Variants in HMCN1 observed in about 807,000 individuals in gnomAD.
HMCN1 encodes the protein hemicentin 1.
Under a neutral mutation model 625.9 loss-of-function variants are expected in HMCN1, and 321 were observed. That is an observed-to-expected ratio of 0.51 (90% CI 0.47 to 0.56). The LOEUF (loss-of-function observed/expected upper bound fraction) is 0.56. HMCN1 is among the 20% of genes least tolerant of loss of function. HMCN1 has a pLI of 0.00. For missense variants in HMCN1, 6,588 were observed against 6,887.3 expected (o/e 0.96, Z 1.54); for synonymous variants, 2,425 against 2,417.6 (o/e 1.00, Z -0.09).
At position 186,178,536 on chromosome 1, in the gene HMCN1, C is replaced by G. The variant is rs1375021345; in HGVS notation, c.16064C>G (p.Ala5355Gly). Reference sequence around the variant, plus strand: ...TTATTAGGGGACGGGAAATCTTGCGCTGGATTGGAGAGGCTGCCAAATTAT... The same window carrying G: ...TTATTAGGGGACGGGAAATCTTGCGGTGGATTGGAGAGGCTGCCAAATTAT... ...QHLLGDGKSC[A>G]GLERLPNYGT... Residue 5355 changes from alanine (A) to glycine (G), a missense_variant, in exon 104 of 107, where the codon GCT (alanine) becomes GGT (glycine). Physicochemically the swap from Ala to Gly is moderately conservative, Grantham distance 60. Around this residue, in one of 3 missense-constraint regions of HMCN1, gnomAD observed 1,954 missense variants for 2,013.1 expected, o/e 0.97. Coordinates refer to ENST00000271588, the MANE Select transcript of HMCN1 (RefSeq NM_031935.3). 6.2e-7 allele frequency: 1 copy of G among 1,614,082 alleles called. No homozygotes were observed. Among genetic ancestry groups the G allele is most frequent in the East Asian group, 2.2e-5 (1 of 44,880 alleles).
chr1:185,948,448 G>A (rs1337807207), intron 11 of HMCN1, among the ~76,000 whole-genome samples: 1 of 150,894 alleles, frequency 6.6e-6, no homozygotes, highest in African/African-American at 2.4e-5. Flanking sequence ...TACAGTCAAA[G>A]GGGGGTTGTT....
intron 1 of HMCN1, among the ~76,000 whole-genome samples, chr1:185,793,893 C>T (rs1375933505): frequency 6.6e-6 from 1 of 152,096 alleles, no homozygotes; most frequent in Non-Finnish European, 1.5e-5. Context: ...TAAAAAACGA[C>T]TCACAGTTCA....
chr1:186,127,927 A>C (rs1175766463), intron 82 of HMCN1, 151 bp from the exon 83 acceptor site: 2 of 691,544 alleles, frequency 2.9e-6, no homozygotes, highest in Non-Finnish European at 5.0e-6. Context: ...TGTTATGCAA[A>C]AGCTAACCTG....
intron 32 of HMCN1, 101 bp downstream of exon 32, chr1:186,016,340 GA>G: frequency 2.6e-6 from 3 of 1,141,346 alleles, no homozygotes; most frequent in Non-Finnish European, 3.8e-6. Flanking sequence ...CAATCTAAAA[GA>G]AGGTATAGTC....
rs868676424 is a variant in HMCN1, at chr1:186,062,619, G to A, written c.7513+19G>A. The A allele has an allele frequency of 5.9e-6, 9 of 1,535,856 alleles. No individual in the cohort carries two copies. The Middle Eastern group carries it at 5.1e-4, about 87-fold the overall frequency. On this transcript the variant is annotated intron_variant, in intron 48 of 106. Transcript: ENST00000271588. ...GTGACAGGTATGGGCTCAGCTCTCA[G>A]ACTTTTGGTGCTCCCCCCACTCACT...
chr1:185,966,013 C>T, intron 14 of HMCN1, 98 bp downstream of exon 14: 1 of 782,038 alleles, frequency 1.3e-6, no homozygotes, highest in South Asian at 1.4e-5. Flanking sequence ...TGTGACTTAG[C>T]AGCCCCATAA....
At chr1:185,976,124 G>T (rs909285212) in intron 15 of HMCN1, among the ~76,000 whole-genome samples, 1 of 152,176 alleles carries the variant, frequency 6.6e-6, no homozygotes, top group Admixed American at 6.6e-5. Context: ...GGTAGAGAGT[G>T]AGTTTTCTGA....
chr1:186,183,666 A>T (rs1653089629), intron 105 of HMCN1, among the ~76,000 whole-genome samples: 1 of 152,168 alleles, frequency 6.6e-6, no homozygotes, highest in Non-Finnish European at 1.5e-5. Context: ...ATTTGTACCC[A>T]TTCTAAAACT....
At chr1:186,172,279 T>C (rs1361100774) in intron 102 of HMCN1, 148 bp downstream of exon 102, 1 of 1,117,212 alleles carries the variant, frequency 9.0e-7, no homozygotes, top group East Asian at 2.5e-5. Context: ...TCTAGGATAA[T>C]TGAGCTCCAG....
chr1:186,049,540 C>T (rs1656809925), intron 42 of HMCN1, among the ~76,000 whole-genome samples: 1 of 151,888 alleles, frequency 6.6e-6, no homozygotes, highest in South Asian at 2.1e-4. Flanking sequence ...TTCTTATAGT[C>T]ACAACTTTTG....
At chr1:186,184,435 C>T (rs1483550939) in intron 105 of HMCN1, among the ~76,000 whole-genome samples, 1 of 152,094 alleles carries the variant, frequency 6.6e-6, no homozygotes, top group Non-Finnish European at 1.5e-5. Flanking sequence ...GACAGACACT[C>T]TAGTCAAAAG....
At position 186,038,994 on chromosome 1, in the gene HMCN1, T is replaced by C; in HGVS notation, c.6017T>C (p.Leu2006Pro). 6.2e-7 allele frequency: 1 copy of C among 1,609,726 alleles called. No individual in the cohort carries two copies. Among genetic ancestry groups the C allele is most frequent in the Non-Finnish European group, 8.5e-7 (1 of 1,176,120 alleles). Reference protein sequence around the residue: ...SAGATELFYSLQVHVAPSISG... With the variant: ...SAGATELFYSPQVHVAPSISG... The stretch of plus-strand genomic sequence containing the variant: ...GGAGCTACAGAGTTATTTTACAGTC[T>C]GCAAGTTCATGGTTAGTGCCACTTC... The change falls in exon 38 of 107, where the codon CTG becomes CCG. Residue 2006 changes from leucine to proline, a missense_variant. Leu to Pro is a moderately conservative substitution (Grantham distance 98, BLOSUM62 -3). This residue lies in a region of HMCN1 where 4,628 missense variants were observed against 4,853.1 expected (regional missense o/e 0.95). Transcript: ENST00000271588.
In HMCN1 at chr1:185,779,002, C is replaced by T. The variant is rs1392448394; in HGVS notation, c.268+43955C>T. On this transcript the variant is annotated intron_variant, in intron 1 of 106. Coordinates refer to ENST00000271588, the MANE Select transcript of HMCN1 (RefSeq NM_031935.3). The stretch of plus-strand genomic sequence containing the variant: ...TCCTATTTCTCCACATCCTCTCCAG[C>T]ACCTGTTGTTTCCTGACTTTTTAAT... Among the ~76,000 whole-genome samples, 7 of 152,324 alleles carry T rather than the reference C, an allele frequency of 4.6e-5. No individual in the cohort carries two copies. In the East Asian group the frequency reaches 1.3e-3, roughly 29 times the overall value.
rs182464954 is a variant in HMCN1, at chr1:185,861,326, T to A, written c.340-3144T>A. Among the ~76,000 whole-genome samples, 3 of 152,344 alleles carry A rather than the reference T, an allele frequency of 2.0e-5. No individual in the cohort carries two copies. The East Asian group carries it at 5.8e-4, about 29-fold the overall frequency. ...CCCATAGACAGAAAACTTCTCCTAG[T>A]GTGTTGGTACACACATGACAATTAG... is the stretch of plus-strand genomic sequence containing the variant. On this transcript the variant is annotated intron_variant, in intron 2 of 106. Transcript: ENST00000271588.
At chr1:186,062,658 T>A in intron 48 of HMCN1, 58 bp downstream of exon 48, 1 of 1,121,284 alleles carries the variant, frequency 8.9e-7, no homozygotes, top group Non-Finnish European at 1.4e-6. Flanking sequence ...AGTCATTGCC[T>A]CCACTATATA....
chr1:186,023,195 A>G (rs543225813), intron 36 of HMCN1, 42 bp downstream of exon 36: 1 of 1,571,504 alleles, frequency 6.4e-7, no homozygotes, highest in Admixed American at 1.7e-5. Flanking sequence ...TATTTGTATC[A>G]CTTTTTAAAA....
intron 6 of HMCN1, among the ~76,000 whole-genome samples, chr1:185,917,182 T>G (rs1038989948): frequency 9.9e-5 from 15 of 151,738 alleles, no homozygotes; most frequent in Non-Finnish European, 1.6e-4. Context: ...AAAATTAGGG[T>G]TTTTTTTGTT....
rs531674268 is a variant in HMCN1, at chr1:185,936,347, C to T, written c.1828+2523C>T. 7.9e-5 allele frequency among the ~76,000 whole-genome samples: 12 copies of T among 151,950 alleles called. No homozygotes were observed. The South Asian group carries it at 2.5e-3, about 32-fold the overall frequency. On this transcript the variant is annotated intron_variant, in intron 11 of 106. Transcript: ENST00000271588. ...AGTAAAAACTAGCAGCAATTAACAG[C>T]AGCAAAAATCCTAGGAGGAATTTTA... is the stretch of plus-strand genomic sequence containing the variant.
chr1:186,161,318 G>GTA (rs1651460092), intron 97 of HMCN1, among the ~76,000 whole-genome samples: 1 of 151,852 alleles, frequency 6.6e-6, no homozygotes, highest in South Asian at 2.1e-4. Context: ...GTGTGTCTCT[G>GTA]CATGTGAGAT....
Sources: gnomAD v4.1 joint callset for allele counts (sites outside exome capture counted in the v4.1 genomes callset) on GRCh38, gnomAD v4.1.1 for gene constraint, gnomAD v4.1.1 regional missense constraint, MANE v1.5 for transcripts, NCBI Gene and HGNC (gene_info 2026-07-23, HGNC 2026-07-21) for gene names.